Variants in MAGEC3 observed in about 807,000 individuals in gnomAD.
The protein encoded by MAGEC3 is MAGE family member C3.
Under a neutral mutation model 35.3 loss-of-function variants are expected in MAGEC3, and 34 were observed. That is an observed-to-expected ratio of 0.96 (90% CI 0.73 to 1.28). MAGEC3 has a LOEUF of 1.28. Ranked by LOEUF, MAGEC3 falls within the 50% of genes most tolerant of loss-of-function variation. MAGEC3 has a pLI of 0.00. For synonymous variants in MAGEC3, 202 were observed against 185.6 expected, an observed-to-expected ratio of 1.09 and a Z score of -0.72; for missense variants, 561 against 483.6, an observed-to-expected ratio of 1.16 and a Z score of -1.50.
rs1312232578 is a variant in MAGEC3, at chrX:141,895,968, G to A, written c.1123+409G>A. Reference sequence around the variant, plus strand: ...CCTCGCTACCTCCCGCTGCTCTCAGGGATGTGGAGTTTGCCCTGAGTTTTG... The same window carrying A: ...CCTCGCTACCTCCCGCTGCTCTCAGAGATGTGGAGTTTGCCCTGAGTTTTG... On this transcript the variant is annotated intron_variant, in intron 6 of 7. Transcript: ENST00000298296. 4.5e-5 allele frequency among the ~76,000 whole-genome samples: 5 copies of A among 111,722 alleles called. No homozygotes were observed. In the South Asian group the frequency reaches 1.5e-3, roughly 34 times the overall value.
intron 1 of MAGEC3, chrX:141,840,110 T>C (rs1458229820): frequency 1.9e-6 from 1 of 537,399 alleles, no homozygotes; most frequent in Non-Finnish European, 2.3e-6. Flanking sequence ...ATTCTATAGC[T>C]GTTAAATGAT....
In MAGEC3 at chrX:141,862,812, G is replaced by A. The variant is rs2017823567; in HGVS notation, c.124-2659G>A. Among the ~76,000 whole-genome samples, 3 of 112,086 alleles carry A rather than the reference G, an allele frequency of 2.7e-5. No homozygotes were observed. In the South Asian group the frequency reaches 1.1e-3, roughly 42 times the overall value. On this transcript the variant is annotated intron_variant, in intron 1 of 7. Transcript: ENST00000298296. Reference sequence around the variant, plus strand: ...AATGGTTTCAGCAGGGGTTGGGGTGGTGAAGAGAGGTTGGTTAGTGGGTAC... The same window carrying A: ...AATGGTTTCAGCAGGGGTTGGGGTGATGAAGAGAGGTTGGTTAGTGGGTAC...
intron 1 of MAGEC3, chrX:141,839,498 G>T (rs2124076425): frequency 1.3e-6 from 1 of 752,262 alleles, no homozygotes; most frequent in East Asian, 1.5e-4. Context: ...AGGTCAAATT[G>T]ATCTTTGCTA....
At chrX:141,895,701 G>C (rs1398595242) in intron 6 of MAGEC3, 142 bp downstream of exon 6, 1 of 233,457 alleles carries the variant, frequency 4.3e-6, no homozygotes, top group Non-Finnish European at 7.1e-6. Context: ...CAGGCTGAGC[G>C]GCAGTCCTCT....
intron 1 of MAGEC3, chrX:141,839,626 T>G (rs2017674393): frequency 2.7e-6 from 2 of 752,639 alleles, no homozygotes; most frequent in Non-Finnish European, 3.1e-6. Context: ...GTTTATTCAT[T>G]ATATCTTCAG....
chrX:141,873,613 G>A (rs1204317468), intron 2 of MAGEC3, among the ~76,000 whole-genome samples: 1 of 111,640 alleles, frequency 9.0e-6, no homozygotes, highest in Non-Finnish European at 1.9e-5. Flanking sequence ...TAATATAATT[G>A]GGTTGTGTGA....
intron 2 of MAGEC3, among the ~76,000 whole-genome samples, chrX:141,868,102 G>A (rs781200530): frequency 2.7e-5 from 3 of 110,056 alleles, no homozygotes; most frequent in South Asian, 3.9e-4. Flanking sequence ...CAGCCTGGGC[G>A]ACAGAGCGAG....
chrX:141,866,974 G>C (rs1434204971), intron 2 of MAGEC3, among the ~76,000 whole-genome samples: 1 of 110,762 alleles, frequency 9.0e-6, no homozygotes, highest in Non-Finnish European at 1.9e-5. Context: ...AATAGCCAAG[G>C]GAGGTTAGAT....
chrX:141,891,144 T>C (rs2018038100), intron 4 of MAGEC3, among the ~76,000 whole-genome samples: 1 of 111,572 alleles, frequency 9.0e-6, no homozygotes, highest in South Asian at 3.8e-4. Context: ...TGTCCCTCTT[T>C]CCGTGTGTCT....
At chrX:141,896,709 G>T (rs775066383) in intron 6 of MAGEC3, 173 bp from the exon 7 acceptor site, 18 of 1,211,560 alleles carry the variant, frequency 1.5e-5, no homozygotes, top group Non-Finnish European at 1.9e-5. Context: ...TCCAGAACCC[G>T]AGTGTGACAG....
In MAGEC3 at chrX:141,897,304, A is replaced by G; in HGVS notation, c.1546A>G (p.Met516Val). The change falls in exon 7 of 8, where the codon ATG becomes GTG. Residue 516 changes from methionine to valine, a missense_variant. Transcript: ENST00000298296. ...ELIFGIALTD[M>V]DPDNHSYFFE... ...AATTTTTGGCATTGCCCTGACTGAT[A>G]TGGACCCCGACAACCACTCCTATTT... The G allele has an allele frequency of 8.3e-7, 1 of 1,211,697 alleles. No homozygotes were observed. Among genetic ancestry groups the G allele is most frequent in the Non-Finnish European group, 1.1e-6 (1 of 895,483 alleles).
intron 2 of MAGEC3, among the ~76,000 whole-genome samples, chrX:141,871,271 A>G (rs1487544149): frequency 1.8e-5 from 2 of 111,880 alleles, no homozygotes; most frequent in Non-Finnish European, 3.8e-5. Flanking sequence ...AGGGCCTAAT[A>G]AACAAGCATA....
intron 1 of MAGEC3, 98 bp from the exon 2 acceptor site, chrX:141,865,373 C>A: frequency 1.2e-6 from 1 of 817,890 alleles, no homozygotes; most frequent in Non-Finnish European, 1.6e-6. Flanking sequence ...TGCTTTCACT[C>A]ATCAAGGGAA....
chrX:141,886,050 A>C (rs1449470128), intron 4 of MAGEC3, among the ~76,000 whole-genome samples: 5 of 111,335 alleles, frequency 4.5e-5, no homozygotes. Context: ...CCCGAGGTGC[A>C]GGGGTCAAGT....
At chrX:141,838,465 C>A (rs1432649670) in intron 1 of MAGEC3, 27 bp downstream of exon 1, 12 of 1,191,821 alleles carry the variant, frequency 1.0e-5, no homozygotes, top group Non-Finnish European at 1.4e-5. Flanking sequence ...ATGCTCATGT[C>A]TAAGCCCCAG....
intron 4 of MAGEC3, among the ~76,000 whole-genome samples, chrX:141,893,642 C>CTGTG (rs770042816): frequency 0.059 from 4,999 of 85,060 alleles, 397 homozygotes; most frequent in African/African-American, 0.19. Flanking sequence ...ATAGGAGACA[C>CTGTG]TGTGTGTGTG....
intron 4 of MAGEC3, among the ~76,000 whole-genome samples, chrX:141,893,884 G>A (rs755150244): frequency 2.7e-5 from 3 of 111,291 alleles, no homozygotes; most frequent in East Asian, 2.8e-4. Flanking sequence ...GATGACCAAC[G>A]TCATTTGTCA....
chrX:141,847,175 T>C (rs186323182), intron 1 of MAGEC3, among the ~76,000 whole-genome samples: 24 of 111,128 alleles, frequency 2.2e-4, no homozygotes, highest in Admixed American at 2.0e-3. Context: ...CCAACTGTGT[T>C]GTAGGACACA....
intron 3 of MAGEC3, chrX:141,880,729 C>T: frequency 1.4e-6 from 1 of 724,393 alleles, no homozygotes; most frequent in Non-Finnish European, 2.1e-6. Flanking sequence ...CAGCTGTGCC[C>T]CGAGGTGCTT....
Sources: allele counts gnomAD v4.1 joint callset (sites outside exome capture counted in the v4.1 genomes callset), GRCh38; gene constraint gnomAD v4.1.1; transcripts MANE v1.5; gene names NCBI Gene and HGNC (gene_info 2026-07-23, HGNC 2026-07-21).